The following RAD21 variants were observed in gnomAD, a reference collection of about 807,000 sequenced individuals.
RAD21 encodes the protein double-strand-break repair protein rad21 homolog.
A neutral mutation model predicts 71.5 loss-of-function variants in RAD21; 18 were observed. That is an observed-to-expected ratio of 0.25 (90% CI 0.17 to 0.37). The LOEUF is 0.37. Among genes scored for constraint, RAD21 ranks in the 10% least tolerant of loss-of-function variants. The pLI is 1.00. For synonymous variants in RAD21, 248 were observed against 254.0 expected, an observed-to-expected ratio of 0.98 and a Z score of 0.22; for missense variants, 493 against 769.1, an observed-to-expected ratio of 0.64 and a Z score of 4.25.
At chr8:116,867,579 CCT>C (rs1812722135) in intron 1 of RAD21, among the ~76,000 whole-genome samples, 1 of 152,098 alleles carries the variant, frequency 6.6e-6, no homozygotes, top group Non-Finnish European at 1.5e-5. Context: ...ATTTAATTCC[CCT>C]CTTTCACGGA....
At chr8:116,867,362 G>A (rs1251645128) in intron 1 of RAD21, among the ~76,000 whole-genome samples, 1 of 152,098 alleles carries the variant, frequency 6.6e-6, no homozygotes, top group Non-Finnish European at 1.5e-5. Flanking sequence ...CTTAACTTAA[G>A]AACTTACAAA....
chr8:116,851,191 GAA>G (rs1022389080), intron 11 of RAD21: 1 of 153,056 alleles, frequency 6.5e-6, no homozygotes, highest in Non-Finnish European at 1.5e-5. Context: ...AGGCTTTACA[GAA>G]AGAGTTAAGA....
chr8:116,867,537 G>A (rs547381573), intron 1 of RAD21, among the ~76,000 whole-genome samples: 1 of 152,202 alleles, frequency 6.6e-6, no homozygotes, highest in Admixed American at 6.5e-5. Context: ...GTTCAGAAGA[G>A]TACATTAACT....
intron 1 of RAD21, chr8:116,866,963 C>G (rs1212231376): frequency 8.6e-6 from 3 of 349,488 alleles, no homozygotes; most frequent in South Asian, 9.2e-5. Flanking sequence ...AAAAATAGAC[C>G]CCAAAATACT....
At chr8:116,857,128 C>T (rs1563690496) in intron 6 of RAD21, 139 bp downstream of exon 6, 3 of 694,346 alleles carry the variant, frequency 4.3e-6, no homozygotes, top group Non-Finnish European at 7.1e-6. Context: ...ACCGAAATGT[C>T]CTATTGAACC....
intron 2 of RAD21, among the ~76,000 whole-genome samples, chr8:116,865,874 A>T (rs1812679713): frequency 6.6e-6 from 1 of 152,104 alleles, no homozygotes; most frequent in Admixed American, 6.5e-5. Flanking sequence ...ACACACAGAT[A>T]ATCTTCCCCA....
intron 4 of RAD21, among the ~76,000 whole-genome samples, chr8:116,860,256 T>C (rs1332203543): frequency 6.6e-6 from 1 of 152,168 alleles, no homozygotes; most frequent in African/African-American, 2.4e-5. Flanking sequence ...ATACTGTGAA[T>C]ATTGCTGAAA....
Position 116,852,695 on chromosome 8 carries a change from C to T in RAD21, c.1175G>A (p.Cys392Tyr). 1 of 1,565,870 alleles carries T rather than the reference C, an allele frequency of 6.4e-7. No individual in the cohort carries two copies. The highest frequency in any genetic ancestry group is 8.6e-7 in the Non-Finnish European group (1 of 1,159,790). The change falls in exon 10 of 14, where the codon TGT becomes TAT. Residue 392 changes from cysteine to tyrosine, a missense_variant. By Grantham distance (194) the Cys-to-Tyr change is radical. Coordinates refer to ENST00000297338, the MANE Select transcript of RAD21 (RefSeq NM_006265.3). ...NNRLLKLFTRCLTPLVPEDLR... is the reference protein window; with the variant it reads ...NNRLLKLFTRYLTPLVPEDLR... The stretch of plus-strand genomic sequence containing the variant: ...GTCTTCTGGTACAAGCGGTGTAAGA[C>T]AGCGTGTAAAGAGCTATTAAAAAAA...
chr8:116,864,281 CACA>C (rs371183384), intron 2 of RAD21, among the ~76,000 whole-genome samples: 20 of 152,134 alleles, frequency 1.3e-4, no homozygotes, highest in South Asian at 2.1e-4. Flanking sequence ...CGCCATAAAG[CACA>C]ACAAGTTCTA....
Position 116,847,395 on chromosome 8 carries a change from A to C in RAD21, c.*105T>G, listed in dbSNP as rs1812269777. ...AGAAGGAAAAAGGCAAAGACTTTGT[A>C]CAGACAAAAATCTAAGTTTTCTCAA... is the stretch of plus-strand genomic sequence containing the variant. On this transcript the variant is annotated 3_prime_UTR_variant, in exon 14 of 14. Transcript: ENST00000297338. The C allele has an allele frequency of 1.0e-6, 1 of 1,003,556 alleles. No individual in the cohort carries two copies. The highest frequency in any genetic ancestry group is 1.4e-6 in the Non-Finnish European group (1 of 700,080). The allele number at this position is 1,003,556 out of a possible 1,614,324, so 62.2% of individuals were successfully genotyped here.
In RAD21 at chr8:116,874,718, C is replaced by T. The variant is rs1563697322; in HGVS notation, c.-140G>A. On this transcript the variant is annotated 5_prime_UTR_variant, in exon 1 of 14. Transcript: ENST00000297338. Reference sequence around the variant, plus strand: ...GCCCTTGCGAGGTGTAGCTTCCGAGCAGCTCCCGCCGCCGCCACAGCCGGC... The same window carrying T: ...GCCCTTGCGAGGTGTAGCTTCCGAGTAGCTCCCGCCGCCGCCACAGCCGGC... 2.2e-6 allele frequency: 1 copy of T among 448,528 alleles called. No individual in the cohort carries two copies. Among genetic ancestry groups the T allele is most frequent in the African/African-American group, 2.0e-5 (1 of 49,842 alleles). 27.8% of individuals were successfully genotyped at this position (448,528 alleles called of 1,614,324 possible). A position where few individuals can be genotyped will look rare whatever the true frequency, so the allele number is the denominator to read the frequency against.
intron 1 of RAD21, among the ~76,000 whole-genome samples, chr8:116,872,019 C>T (rs549758955): frequency 6.6e-6 from 1 of 152,260 alleles, no homozygotes; most frequent in Admixed American, 6.5e-5. Flanking sequence ...TTATCCATGG[C>T]TTCTTGCATC....
At position 116,852,586 on chromosome 8, in the gene RAD21, C is replaced by T. The variant is rs757531901; in HGVS notation, c.1284G>A (p.Glu428=). 15 of 1,613,132 alleles carry T rather than the reference C, an allele frequency of 9.3e-6. No homozygotes were observed. The highest frequency in any genetic ancestry group is 1.7e-5 in the Admixed American group (1 of 59,882). The change falls in exon 10 of 14, where the codon GAG becomes GAA. Residue 428 remains glutamate, a synonymous_variant. Coordinates refer to ENST00000297338, the MANE Select transcript of RAD21 (RefSeq NM_006265.3). ...KEFENPEVPR[E]DQQQQHQQRD... ...GCTGCTGATGCTGCTGTTGCTGGTC[C>T]TCTCTAGGAACCTCTGGATTTTCAA...
intron 8 of RAD21, among the ~76,000 whole-genome samples, chr8:116,855,133 C>T (rs1280016706): frequency 6.6e-6 from 1 of 151,692 alleles, no homozygotes; most frequent in African/African-American, 2.4e-5. Flanking sequence ...TGGTTCAACA[C>T]TTAAAAAAAA....
At position 116,852,610 on chromosome 8, in the gene RAD21, A is replaced by C. The variant is rs1458627533; in HGVS notation, c.1260T>G (p.Phe420Leu). 6.2e-7 allele frequency: 1 copy of C among 1,613,650 alleles called. No homozygotes were observed. The highest frequency in any genetic ancestry group is 2.2e-5 in the East Asian group (1 of 44,854). The part of the protein sequence containing the change: ...ADNLDEFLKE[F>L]ENPEVPREDQ... Reference sequence around the variant, plus strand: ...CCTCTCTAGGAACCTCTGGATTTTCAAATTCTTTGAGGAATTCATCCAAAT... The same window carrying C: ...CCTCTCTAGGAACCTCTGGATTTTCCAATTCTTTGAGGAATTCATCCAAAT... The change falls in exon 10 of 14, where the codon TTT becomes TTG. Residue 420 changes from phenylalanine to leucine, a missense_variant. Phe to Leu is a conservative substitution (Grantham distance 22, BLOSUM62 0). This residue lies in a region of RAD21 where 225 missense variants were observed against 218.3 expected (regional missense o/e 1.03). Transcript: ENST00000297338.
intron 9 of RAD21, among the ~76,000 whole-genome samples, chr8:116,853,992 A>T (rs559600882): frequency 6.6e-6 from 1 of 152,298 alleles, no homozygotes; most frequent in South Asian, 2.1e-4. Flanking sequence ...TTACAGAGAG[A>T]AGTATTATTA....
chr8:116,852,039 C>G lies in RAD21; in HGVS notation c.1379G>C (p.Arg460Thr). ...CATAGCTGACTCATCTATGTTTGTT[C>G]TGCTGGCCTCCATCACTGACTCCTG... ...RLQESVMEAS[R>T]TNIDESAMPP... The change falls in exon 11 of 14, where the codon AGA (arginine) becomes ACA (threonine). Residue 460 changes from arginine (R) to threonine (T), a missense_variant. Physicochemically the swap from Arg to Thr is moderately conservative, Grantham distance 71. Coordinates refer to ENST00000297338, the MANE Select transcript of RAD21 (RefSeq NM_006265.3). 1 of 1,612,574 alleles carries G rather than the reference C, an allele frequency of 6.2e-7. No individual in the cohort carries two copies. The highest frequency in any genetic ancestry group is 8.5e-7 in the Non-Finnish European group (1 of 1,178,704).
chr8:116,873,785 A>G (rs892276746), intron 1 of RAD21, among the ~76,000 whole-genome samples: 2 of 152,192 alleles, frequency 1.3e-5, no homozygotes, highest in African/African-American at 4.8e-5. Flanking sequence ...ATCATTCGCA[A>G]AAAGCCTTTT....
At position 116,874,567 on chromosome 8, in the gene RAD21, G is replaced by A. The variant is rs1257258724; in HGVS notation, c.-33+44C>T. 1.3e-5 allele frequency: 4 copies of A among 315,188 alleles called. No homozygotes were observed. In the Admixed American group the frequency reaches 1.4e-4, roughly 11 times the overall value. The allele number at this position is 315,188 out of a possible 1,614,324, so 19.5% of individuals were successfully genotyped here. A position where few individuals can be genotyped will look rare whatever the true frequency, so the allele number is the denominator to read the frequency against. ...GGCAGAGCGGCGGGGAAAGGGTGGG[G>A]GGAGGGAGCTGGAGGAAAAGAAGGG... On this transcript the variant is annotated intron_variant, in intron 1 of 13. Transcript: ENST00000297338.
Sources: allele counts gnomAD v4.1 joint callset (sites outside exome capture counted in the v4.1 genomes callset), GRCh38; gene constraint gnomAD v4.1.1; regional missense constraint gnomAD v4.1.1; transcripts MANE v1.5; gene names NCBI Gene and HGNC (gene_info 2026-07-23, HGNC 2026-07-21).